RNASEH1: variants seen among roughly 807,000 people sequenced by gnomAD.
RNASEH1 encodes the protein ribonuclease H type II.
In RNASEH1, 27 loss-of-function variants were observed where a neutral mutation model predicts 34.6. The ratio of observed to expected loss-of-function variants is 0.78; its 90% CI spans 0.58 to 1.08. The LOEUF is 1.08. RNASEH1 is among the 50% of genes least tolerant of loss of function. RNASEH1 has a pLI of 0.00. For synonymous variants in RNASEH1, 162 were observed against 138.4 expected (o/e 1.17, Z -1.20); for missense variants, 349 against 373.6 (o/e 0.93, Z 0.54).
At chr2:3,535,056 G>C in the RNASEH1 span, among the ~76,000 whole-genome samples, 1 of 152,170 alleles carries the variant, frequency 6.6e-6, no homozygotes, top group Non-Finnish European at 1.5e-5. Flanking sequence ...AAGTTCTGGA[G>C]ATGGAGGGTG....
At chr2:3,549,972 C>T (rs1259938464) in intron 4 of RNASEH1, among the ~76,000 whole-genome samples, 1 of 149,466 alleles carries the variant, frequency 6.7e-6, no homozygotes, top group African/African-American at 2.5e-5. Context: ...AAGACTCCTC[C>T]CCAGGGCAAG....
chr2:3,557,795 G>A, intron 1 of RNASEH1: 1 of 1,070,544 alleles, frequency 9.3e-7, no homozygotes, highest in South Asian at 1.3e-5. Context: ...AAAGTCTTCT[G>A]GTAACGGGGG....
chr2:3,534,613 C>G, the RNASEH1 span, among the ~76,000 whole-genome samples: 2 of 152,264 alleles, frequency 1.3e-5, no homozygotes, highest in Non-Finnish European at 2.9e-5. Context: ...CAACCGCCGG[C>G]TGAGCGCGGA....
In RNASEH1 at chr2:3,545,872, C is replaced by G; in HGVS notation, c.775-1G>C. On this transcript the variant is annotated splice_acceptor_variant, in intron 7 of 7. Transcript: ENST00000315212. LOFTEE classifies it high-confidence loss of function. ...ATCCCGAATGACCAGGAACATGCAT[C>G]TGTTAAGATAAATGTTTTCCTTTTA... 1 of 1,603,852 alleles carries G rather than the reference C, an allele frequency of 6.2e-7. No homozygotes were observed. The highest frequency in any genetic ancestry group is 8.5e-7 in the Non-Finnish European group (1 of 1,170,618).
chr2:3,543,758 G>A lies in RNASEH1; in HGVS notation c.*2027C>T, dbSNP rs111791797. ...CCAGAATAGCTGGGACAACAGGCAG[G>A]CACTACCACACCCACCTGATTTTAT... On this transcript the variant is annotated 3_prime_UTR_variant, in exon 8 of 8. Coordinates refer to ENST00000315212, the MANE Select transcript of RNASEH1 (RefSeq NM_002936.6). Among the ~76,000 whole-genome samples, 4 of 151,986 alleles carry A rather than the reference G, an allele frequency of 2.6e-5. No homozygotes were observed. Among genetic ancestry groups the A allele is most frequent in the Admixed American group, 2.0e-4 (3 of 15,244 alleles).
chr2:3,556,925 T>C, intron 1 of RNASEH1, 21 bp from the exon 2 acceptor site: 1 of 1,522,772 alleles, frequency 6.6e-7, no homozygotes, highest in Non-Finnish European at 9.1e-7. Context: ...TGTGCAATGT[T>C]ATTTCCTTCT....
intron 1 of RNASEH1, chr2:3,557,894 C>A: frequency 1.3e-6 from 2 of 1,505,622 alleles, no homozygotes; most frequent in Non-Finnish European, 1.8e-6. Flanking sequence ...CCACCCCTAA[C>A]CTTTACGCGA....
chr2:3,537,465 C>T (rs987608563), downstream of RNASEH1, among the ~76,000 whole-genome samples: 4 of 152,084 alleles, frequency 2.6e-5, no homozygotes, highest in African/African-American at 9.7e-5. Flanking sequence ...GCTCATGGCT[C>T]TAACCCCAGC....
chr2:3,555,283 T>G (rs1204841511), intron 2 of RNASEH1, among the ~76,000 whole-genome samples: 4 of 152,184 alleles, frequency 2.6e-5, no homozygotes, highest in African/African-American at 9.7e-5. Context: ...ACCATCTTCT[T>G]GACTTGCTGG....
chr2:3,555,211 C>T (rs1444176094), intron 2 of RNASEH1, among the ~76,000 whole-genome samples: 1 of 152,148 alleles, frequency 6.6e-6, no homozygotes, highest in Non-Finnish European at 1.5e-5. Flanking sequence ...TTTCCCCTTC[C>T]CTTAACATAA....
downstream of RNASEH1, among the ~76,000 whole-genome samples, chr2:3,540,040 C>T (rs141766909): frequency 0.017 from 2,542 of 152,098 alleles, 41 homozygotes; most frequent in South Asian, 0.061. Context: ...GACACCGTGA[C>T]GCTCCAGTAC....
chr2:3,532,917 G>A, the RNASEH1 span, among the ~76,000 whole-genome samples: 1 of 152,226 alleles, frequency 6.6e-6, no homozygotes, highest in Non-Finnish European at 1.5e-5. Context: ...GCTCTCCCGC[G>A]CAGACAGGAC....
At chr2:3,557,990 C>G (rs1231980776) in intron 1 of RNASEH1, 143 bp downstream of exon 1, 1 of 1,487,898 alleles carries the variant, frequency 6.7e-7, no homozygotes, top group East Asian at 2.5e-5. Flanking sequence ...AGCAGGAAAA[C>G]GAGGCGGTCC....
Position 3,558,185 on chromosome 2 carries a change from C to T in RNASEH1, c.76G>A (p.Gly26Arg), listed in dbSNP as rs1457543314. 6.2e-7 allele frequency: 1 copy of T among 1,602,614 alleles called. No homozygotes were observed. ...LPCRRGSRGF[G>R]MFYAVRRGRK... is the part of the protein sequence containing the mutation. ...CCCCTCCTCACGGCATAGAACATCC[C>T]GAACCCGCGAGAGCCGCGGCGGCAG... The change falls in exon 1 of 8, where the codon GGG (glycine) becomes AGG (arginine). Residue 26 changes from glycine (G) to arginine (R), a missense_variant. By Grantham distance (125) the Gly-to-Arg change is moderately radical (BLOSUM62 -2). Around this residue, in one of 2 missense-constraint regions of RNASEH1, gnomAD observed 256 missense variants for 240.7 expected, o/e 1.06. Coordinates refer to ENST00000315212, the MANE Select transcript of RNASEH1 (RefSeq NM_002936.6).
Position 3,548,980 on chromosome 2 carries a change from A to G in RNASEH1, c.564+78T>C, listed in dbSNP as rs548704541. 8 of 1,204,806 alleles carry G rather than the reference A, an allele frequency of 6.6e-6. No homozygotes were observed. The South Asian group carries it at 9.0e-5, about 14-fold the overall frequency. 74.6% of individuals were successfully genotyped at this position (1,204,806 alleles called of 1,614,324 possible). On this transcript the variant is annotated intron_variant, in intron 5 of 7. Coordinates refer to ENST00000315212, the MANE Select transcript of RNASEH1 (RefSeq NM_002936.6). Reference sequence around the variant, plus strand: ...AAATATCTTATATGTATAGGTAGAAAAAAAAAGAATTAGTTTATTTGATAA... The same window carrying G: ...AAATATCTTATATGTATAGGTAGAAGAAAAAAGAATTAGTTTATTTGATAA...
downstream of RNASEH1, among the ~76,000 whole-genome samples, chr2:3,540,385 T>A (rs554026707): frequency 2.0e-4 from 30 of 152,256 alleles, no homozygotes; most frequent in Middle Eastern, 3.4e-3. Flanking sequence ...TCCGGCTTCA[T>A]GCACTTTCTG....
At position 3,542,486 on chromosome 2, in the gene RNASEH1, A is replaced by T. The variant is rs954378796; in HGVS notation, c.*3299T>A. On this transcript the variant is annotated 3_prime_UTR_variant, in exon 8 of 8. Transcript: ENST00000315212. ...AGAATTTCGTATCCAGCAAAACTGAATTCAACATCAGAAACTCAAGGAATA... is the reference window on the plus strand; with the variant it reads ...AGAATTTCGTATCCAGCAAAACTGATTTCAACATCAGAAACTCAAGGAATA... 7.9e-5 allele frequency among the ~76,000 whole-genome samples: 12 copies of T among 152,224 alleles called. No homozygotes were observed. The highest frequency in any genetic ancestry group is 2.0e-4 in the Admixed American group (3 of 15,286).
At chr2:3,535,652 G>GGGAC in the RNASEH1 span, among the ~76,000 whole-genome samples, 4 of 152,110 alleles carry the variant, frequency 2.6e-5, no homozygotes, top group African/African-American at 9.7e-5. Context: ...TGGGGACAGG[G>GGGAC]GGACACCTGT....
intron 7 of RNASEH1, 136 bp downstream of exon 7, chr2:3,547,795 G>A (rs535321780): frequency 6.0e-5 from 55 of 916,214 alleles, no homozygotes; most frequent in Admixed American, 4.7e-4. Context: ...CCTCAAATAC[G>A]TTGTAATATA....
Sources: gnomAD v4.1 joint callset for allele counts (sites outside exome capture counted in the v4.1 genomes callset) on GRCh38, gnomAD v4.1.1 for gene constraint, gnomAD v4.1.1 regional missense constraint, MANE v1.5 for transcripts, NCBI Gene and HGNC (gene_info 2026-07-23, HGNC 2026-07-21) for gene names.